The following HSPA4 variants were observed in gnomAD, a reference collection of about 807,000 sequenced individuals.
HSPA4 encodes heat shock 70 kDa protein 4.
HSPA4 carries 25 observed loss-of-function variants against 106.2 expected under a neutral mutation model. The ratio of observed to expected loss-of-function variants is 0.24; its 90% CI spans 0.17 to 0.33. HSPA4 has a LOEUF of 0.33. Ranked by LOEUF, HSPA4 falls within the 10% of genes least tolerant of loss-of-function variation. The probability of loss-of-function intolerance (pLI) is 1.00; values close to 1 mark genes in which losing one functional copy is unlikely to be tolerated. For missense variants in HSPA4, 841 were observed against 996.0 expected, an observed-to-expected ratio of 0.84 and a Z score of 2.10; for synonymous variants, 332 against 333.6, an observed-to-expected ratio of 1.00 and a Z score of 0.05.
intron 7 of HSPA4, among the ~76,000 whole-genome samples, chr5:133,077,238 ATTGTAATT>A (rs568007632): frequency 1.1e-4 from 16 of 152,260 alleles, no homozygotes; most frequent in Admixed American, 5.9e-4. Flanking sequence ...TGACTAAGAA[ATTGTAATT>A]TTTTTTTTGA....
intron 12 of HSPA4, 70 bp from the exon 13 acceptor site, chr5:133,092,630 A>C: frequency 2.0e-6 from 2 of 996,730 alleles, no homozygotes; most frequent in Non-Finnish European, 3.2e-6. Flanking sequence ...TAACTATGTG[A>C]CTTTGTCAAT....
At chr5:133,072,391 T>G (rs1765392915) in intron 4 of HSPA4, among the ~76,000 whole-genome samples, 1 of 132,242 alleles carries the variant, frequency 7.6e-6, no homozygotes, top group Admixed American at 7.7e-5. Flanking sequence ...GGTCCAGGGT[T>G]GTTTTTTTTT....
intron 1 of HSPA4, among the ~76,000 whole-genome samples, chr5:133,055,836 G>A (rs1418164233): frequency 6.6e-6 from 1 of 152,164 alleles, no homozygotes; most frequent in Non-Finnish European, 1.5e-5. Flanking sequence ...CCAGCACTCT[G>A]GGAGGCTGAG....
Position 133,101,815 on chromosome 5 carries a change from A to G in HSPA4, c.2094A>G (p.Leu698=). Residue 698 remains leucine, a synonymous_variant, in exon 17 of 19, where the codon TTA becomes TTG. Coordinates refer to ENST00000304858, the MANE Select transcript of HSPA4 (RefSeq NM_002154.4). ...RFQESEERPK[L]FEELGKQIQQ... is the part of the protein sequence containing the mutation. ...AGGAATCTGAAGAACGACCAAAATTATTTGAAGAACTAGGGAAACAGATCC... is the reference window on the plus strand; with the variant it reads ...AGGAATCTGAAGAACGACCAAAATTGTTTGAAGAACTAGGGAAACAGATCC... The G allele has an allele frequency of 1.9e-6, 3 of 1,606,738 alleles. No individual in the cohort carries two copies. The African/African-American group carries it at 4.0e-5, about 21-fold the overall frequency.
At chr5:133,056,153 G>C (rs968538321) in intron 1 of HSPA4, among the ~76,000 whole-genome samples, 2 of 152,222 alleles carry the variant, frequency 1.3e-5, no homozygotes, top group African/African-American at 4.8e-5. Flanking sequence ...TTACCTTGGA[G>C]GTCACAGTAG....
intron 1 of HSPA4, chr5:133,052,822 AGCG>A (rs2126688980): frequency 6.5e-6 from 1 of 153,522 alleles, no homozygotes; most frequent in East Asian, 1.9e-4. Flanking sequence ...GAGACCGTGG[AGCG>A]GTCAGCGTCC....
intron 7 of HSPA4, among the ~76,000 whole-genome samples, chr5:133,079,736 G>T (rs1765490879): frequency 6.6e-6 from 1 of 152,062 alleles, no homozygotes; most frequent in African/African-American, 2.4e-5. Flanking sequence ...GCGCCCTACT[G>T]GGTTTCAGTT....
In HSPA4 at chr5:133,103,924, TGAA is replaced by T; in HGVS notation, c.2219_2221del (p.Glu740del). ...TGACAAAGGTAGAAAAAAGCACAAATGAAGCAATGGAGTGGATGAATAACAAGC... is the reference window on the plus strand; with the variant it reads ...TGACAAAGGTAGAAAAAAGCACAAATGCAATGGAGTGGATGAATAACAAGC... On this transcript the variant is annotated inframe_deletion, in exon 18 of 19. Coordinates refer to ENST00000304858, the MANE Select transcript of HSPA4 (RefSeq NM_002154.4). The T allele has an allele frequency of 6.2e-7, 1 of 1,613,948 alleles. No individual in the cohort carries two copies. The highest frequency in any genetic ancestry group is 8.5e-7 in the Non-Finnish European group (1 of 1,179,956).
In HSPA4 at chr5:133,076,827, A is replaced by G. The variant is rs750628672; in HGVS notation, c.837A>G (p.Ala279=). 6.2e-7 allele frequency: 1 copy of G among 1,612,822 alleles called. No individual in the cohort carries two copies. Among genetic ancestry groups the G allele is most frequent in the Admixed American group, 1.7e-5 (1 of 60,022 alleles). ...ECEKLKKLMS[A]NASDLPLSIE... ...AGAAACTCAAGAAATTGATGAGTGCAAATGCTTCAGATCTCCCTTTGAGCA... is the reference window on the plus strand; with the variant it reads ...AGAAACTCAAGAAATTGATGAGTGCGAATGCTTCAGATCTCCCTTTGAGCA... The change falls in exon 7 of 19, where the codon GCA becomes GCG. Residue 279 remains alanine (A), a synonymous_variant. Coordinates refer to ENST00000304858, the MANE Select transcript of HSPA4 (RefSeq NM_002154.4).
At chr5:133,071,635 A>T (rs73788294) in intron 4 of HSPA4, among the ~76,000 whole-genome samples, 3,242 of 152,228 alleles carry the variant, frequency 0.021, 108 homozygotes, top group African/African-American at 0.073. Flanking sequence ...TTGTTACCTG[A>T]TACTTTAGTT....
chr5:133,087,824 A>G (rs1765597783), intron 8 of HSPA4, among the ~76,000 whole-genome samples: 1 of 152,072 alleles, frequency 6.6e-6, no homozygotes. Context: ...GGGTTTTACC[A>G]TGTTGGTCAG....
At chr5:133,102,913 C>CTTTTTTT (rs533273263) in intron 17 of HSPA4, among the ~76,000 whole-genome samples, 2,147 of 103,126 alleles carry the variant, frequency 0.021, 94 homozygotes, top group Non-Finnish European at 0.029. Context: ...CTAGGGTTGT[C>CTTTTTTT]TTTTTTTTTT....
In HSPA4 at chr5:133,089,866, A is replaced by T. The variant is rs139659885; in HGVS notation, c.1378+171A>T. ...CTGTCTCCATTTAAACAACAACAAA[A>T]AAAAGCTTATCTACTTGGAGAGTTC... On this transcript the variant is annotated intron_variant, in intron 11 of 18. Coordinates refer to ENST00000304858, the MANE Select transcript of HSPA4 (RefSeq NM_002154.4). Among the ~76,000 whole-genome samples the T allele has an allele frequency of 7.2e-5, 11 of 152,254 alleles. No individual in the cohort carries two copies. In the East Asian group the frequency reaches 1.7e-3, roughly 24 times the overall value.
chr5:133,052,694 C>T (rs757419549), intron 1 of HSPA4: 4 of 263,524 alleles, frequency 1.5e-5, no homozygotes, highest in Non-Finnish European at 2.2e-5. Context: ...TTCTTGAGGG[C>T]AGAGACCAGG....
chr5:133,093,934 A>G (rs1224431382), intron 13 of HSPA4, among the ~76,000 whole-genome samples: 1 of 152,140 alleles, frequency 6.6e-6, no homozygotes, highest in Non-Finnish European at 1.5e-5. Flanking sequence ...CTCTACTAAA[A>G]ATACAAAATT....
chr5:133,083,517 G>T (rs1442399993), intron 7 of HSPA4, among the ~76,000 whole-genome samples: 1 of 151,954 alleles, frequency 6.6e-6, no homozygotes, highest in Non-Finnish European at 1.5e-5. Flanking sequence ...ATCCTATAAA[G>T]CCATCAATTT....
chr5:133,071,458 T>C lies in HSPA4; in HGVS notation c.429+962T>C, dbSNP rs549928984. Among the ~76,000 whole-genome samples the C allele has an allele frequency of 3.4e-5, 5 of 147,448 alleles. No individual in the cohort carries two copies. The East Asian group carries it at 7.7e-4, about 23-fold the overall frequency. On this transcript the variant is annotated intron_variant, in intron 4 of 18. Coordinates refer to ENST00000304858, the MANE Select transcript of HSPA4 (RefSeq NM_002154.4). ...CTGAGACCCTGTCTCAAAAAACTTA[T>C]CCAAAAAACAAAGACATGGCAGCAG...
rs911434178 is a variant in HSPA4 at position 133,104,537 on chromosome 5, A to G, written c.*101A>G. On this transcript the variant is annotated 3_prime_UTR_variant, in exon 19 of 19. Coordinates refer to ENST00000304858, the MANE Select transcript of HSPA4 (RefSeq NM_002154.4). ...CGCAAGTGAATACTGAAGATTTCTT[A>G]GTCAGTTTTTAGGGGATTTTCGGGG... 3.6e-6 allele frequency: 4 copies of G among 1,121,354 alleles called. No homozygotes were observed. Among genetic ancestry groups the G allele is most frequent in the Non-Finnish European group, 5.2e-6 (4 of 774,944 alleles). The allele number at this position is 1,121,354 out of a possible 1,614,324, so 69.5% of individuals were successfully genotyped here.
At chr5:133,057,826 T>C (rs1765187007) in intron 1 of HSPA4, among the ~76,000 whole-genome samples, 1 of 152,196 alleles carries the variant, frequency 6.6e-6, no homozygotes, top group African/African-American at 2.4e-5. Context: ...GACTTGGCAT[T>C]GTGTGTAGTA....
Sources: gnomAD v4.1 joint callset for allele counts (sites outside exome capture counted in the v4.1 genomes callset) on GRCh38, gnomAD v4.1.1 for gene constraint, MANE v1.5 for transcripts, NCBI Gene and HGNC (gene_info 2026-07-23, HGNC 2026-07-21) for gene names.